The following ZNF805 variants were observed in gnomAD, a reference collection of about 807,000 sequenced individuals.
ZNF805 encodes the protein CTC-444N24.8.
In ZNF805, 7 loss-of-function variants were observed where a neutral mutation model predicts 13.6. That is an observed-to-expected ratio of 0.51 (90% CI 0.29 to 0.97). The LOEUF is 0.97. Ranked by LOEUF, ZNF805 falls within the 50% of genes least tolerant of loss-of-function variation. The pLI, the probability that ZNF805 is intolerant of heterozygous loss-of-function variation, is 0.08. For synonymous variants in ZNF805, 293 were observed against 279.8 expected, an observed-to-expected ratio of 1.05 and a Z score of -0.47; for missense variants, 604 against 771.0, an observed-to-expected ratio of 0.78 and a Z score of 2.57.
chr19:57,248,553 T>C (rs1282714292), intron 2 of ZNF805, 52 bp from the exon 3 acceptor site: 1 of 1,454,384 alleles, frequency 6.9e-7, no homozygotes, highest in Non-Finnish European at 9.4e-7. Context: ...ATTGAAGGTC[T>C]TTATTTCTTT....
rs756649606 is a variant in ZNF805 at position 57,253,382 on chromosome 19, A to T, written c.563A>T (p.His188Leu). 6.4e-7 allele frequency: 1 copy of T among 1,561,060 alleles called. No homozygotes were observed. The highest frequency in any genetic ancestry group is 8.7e-7 in the Non-Finnish European group (1 of 1,152,098). The change falls in exon 4 of 4, where the codon CAT (histidine) becomes CTT (leucine). Residue 188 changes from histidine (H) to leucine (L), a missense_variant. By Grantham distance (99) the His-to-Leu change is moderately conservative. This residue lies in a region of ZNF805 where 327 missense variants were observed against 378.2 expected (regional missense o/e 0.86). Transcript: ENST00000414468. This position sits in a 1 kb window ranked among gnomAD's most constrained non-coding sequence, Gnocchi z 4.4. ...GATGATGTCCATGACTGTGACTCACATGGATCAGGTAAAAATCCAGTTATT... is the reference window on the plus strand; with the variant it reads ...GATGATGTCCATGACTGTGACTCACTTGGATCAGGTAAAAATCCAGTTATT... ...LGDDVHDCDSHGSGKNPVIQE... is the reference protein window; with the variant it reads ...LGDDVHDCDSLGSGKNPVIQE...
chr19:57,248,574 C>A lies in ZNF805; in HGVS notation c.158-31C>A. The A allele has an allele frequency of 3.3e-6, 5 of 1,522,232 alleles. No homozygotes were observed. In the South Asian group the frequency reaches 4.8e-5, roughly 15 times the overall value. The allele number at this position is 1,522,232 out of a possible 1,614,324, so 94.3% of individuals were successfully genotyped here. ...GGTCTTTATTTCTTTTCACCCACATCCATGTGTCCACTTGCTTTCTCCATA... is the reference window on the plus strand; with the variant it reads ...GGTCTTTATTTCTTTTCACCCACATACATGTGTCCACTTGCTTTCTCCATA... On this transcript the variant is annotated intron_variant, in intron 2 of 3. Coordinates refer to ENST00000414468, the MANE Select transcript of ZNF805 (RefSeq NM_001023563.4).
At position 57,256,105 on chromosome 19, in the gene ZNF805, T is replaced by C. The variant is rs1291921520; in HGVS notation, c.*1402T>C. ...ATTTAATTATGTGATGTTACTTCTATAGTCAGTTGATATGATGTGTTACCT... is the reference window on the plus strand; with the variant it reads ...ATTTAATTATGTGATGTTACTTCTACAGTCAGTTGATATGATGTGTTACCT... On this transcript the variant is annotated 3_prime_UTR_variant, in exon 4 of 4. Transcript: ENST00000414468. 6.6e-6 allele frequency among the ~76,000 whole-genome samples: 1 copy of C among 152,138 alleles called. No individual in the cohort carries two copies.
chr19:57,254,717 T>TG lies in ZNF805; in HGVS notation c.*15dup. The TG allele has an allele frequency of 6.3e-7, 1 of 1,592,356 alleles. No homozygotes were observed. Among genetic ancestry groups the TG allele is most frequent in the Non-Finnish European group, 8.6e-7 (1 of 1,169,586 alleles). On this transcript the variant is annotated 3_prime_UTR_variant, in exon 4 of 4. Coordinates refer to ENST00000414468, the MANE Select transcript of ZNF805 (RefSeq NM_001023563.4). Reference sequence around the variant, plus strand: ...TCTTCACTGTGAGAAAACCTTCTGTTGCCAAATGTCATTTGTCACCTAAGG... The same window carrying TG: ...TCTTCACTGTGAGAAAACCTTCTGTTGGCCAAATGTCATTTGTCACCTAAGG...
At chr19:57,243,867 C>CA in intron 1 of ZNF805, 56 bp from the exon 2 acceptor site, 2 of 1,612,780 alleles carry the variant, frequency 1.2e-6, no homozygotes, top group Non-Finnish European at 1.7e-6. Flanking sequence ...CCTTTTCCAG[C>CA]AAAGCACATG....
Position 57,253,945 on chromosome 19 carries a change from T to A in ZNF805, c.1126T>A (p.Cys376Ser). The change falls in exon 4 of 4, where the codon TGT becomes AGT. Residue 376 changes from cysteine (C) to serine (S), a missense_variant. Around this residue, in one of 3 missense-constraint regions of ZNF805, gnomAD observed 228 missense variants for 352.8 expected, o/e 0.65. Coordinates refer to ENST00000414468, the MANE Select transcript of ZNF805 (RefSeq NM_001023563.4). This position sits in a 1 kb window ranked among gnomAD's most constrained non-coding sequence, Gnocchi z 4.4. ...GGAGAAGCCCTATGAGTGCAGTGAA[T>A]GTGGGAAGGCCTTCTGTGAGAGCGC... ...TGEKPYECSECGKAFCESAAL... is the reference protein window; with the variant it reads ...TGEKPYECSESGKAFCESAAL... 1 of 1,614,156 alleles carries A rather than the reference T, an allele frequency of 6.2e-7. No individual in the cohort carries two copies. The highest frequency in any genetic ancestry group is 8.5e-7 in the Non-Finnish European group (1 of 1,180,028).
intron 2 of ZNF805, among the ~76,000 whole-genome samples, chr19:57,246,875 A>C (rs1052615904): frequency 2.6e-5 from 4 of 151,968 alleles, no homozygotes; most frequent in African/African-American, 9.7e-5. Context: ...TGCTCCATTT[A>C]TTCTCACAGG....
rs1218332127 is a variant in ZNF805, at chr19:57,244,066, C to T, written c.157+17C>T. 1.1e-5 allele frequency: 17 copies of T among 1,611,222 alleles called. No individual in the cohort carries two copies. Among genetic ancestry groups the T allele is most frequent in the Non-Finnish European group, 1.3e-5 (15 of 1,178,322 alleles). Reference sequence around the variant, plus strand: ...TATCTCTGGGTAAGGCCTTCCCCCTCCACCATGCAGGGGATCTGCCACCTC... The same window carrying T: ...TATCTCTGGGTAAGGCCTTCCCCCTTCACCATGCAGGGGATCTGCCACCTC... On this transcript the variant is annotated intron_variant, in intron 2 of 3. Coordinates refer to ENST00000414468, the MANE Select transcript of ZNF805 (RefSeq NM_001023563.4).
In ZNF805 at chr19:57,258,159, C is replaced by A. The variant is rs1477058589; in HGVS notation, c.*3456C>A. ...CTGGGATTACAGGTGCCTGCCACCA[C>A]ACCTAGCTAATTTTTATATTTTTAG... On this transcript the variant is annotated 3_prime_UTR_variant, in exon 4 of 4. Coordinates refer to ENST00000414468, the MANE Select transcript of ZNF805 (RefSeq NM_001023563.4). Among the ~76,000 whole-genome samples the A allele has an allele frequency of 6.6e-6, 1 of 151,174 alleles. No homozygotes were observed. The highest frequency in any genetic ancestry group is 2.4e-5 in the African/African-American group (1 of 41,082).
At chr19:57,251,829 T>C (rs2087654091) in intron 3 of ZNF805, among the ~76,000 whole-genome samples, 1 of 152,234 alleles carries the variant, frequency 6.6e-6, no homozygotes, top group South Asian at 2.1e-4. Flanking sequence ...CCCGTGTTGG[T>C]AGCCAATTTT....
At position 57,258,412 on chromosome 19, in the gene ZNF805, G is replaced by A. The variant is rs1392154325; in HGVS notation, c.*3709G>A. On this transcript the variant is annotated 3_prime_UTR_variant, in exon 4 of 4. Transcript: ENST00000414468. ...TTATGATTAGTTTTTTGTGTTTCCT[G>A]TTGCTTCTTTCTTGGTTTGTTTGGG... Among the ~76,000 whole-genome samples the A allele has an allele frequency of 3.8e-5, 5 of 130,724 alleles. No individual in the cohort carries two copies. Among genetic ancestry groups the A allele is most frequent in the African/African-American group, 1.4e-4 (5 of 35,376 alleles). 85.8% of individuals were successfully genotyped at this position (130,724 alleles called of 152,430 possible).
rs1479548527 is a variant in ZNF805 at position 57,240,717 on chromosome 19, C to G, written c.-175C>G. ...GCTGGGGAAATGAGCAGGTAGGAGGCCGACAGCGACCTCCGCGTCTCGGAG... is the reference window on the plus strand; with the variant it reads ...GCTGGGGAAATGAGCAGGTAGGAGGGCGACAGCGACCTCCGCGTCTCGGAG... On this transcript the variant is annotated 5_prime_UTR_variant, in exon 1 of 4. Transcript: ENST00000414468. The G allele has an allele frequency of 1.4e-5, 8 of 567,016 alleles. No individual in the cohort carries two copies. Among genetic ancestry groups the G allele is most frequent in the Non-Finnish European group, 2.4e-5 (8 of 328,938 alleles). 35.1% of individuals were successfully genotyped at this position (567,016 alleles called of 1,614,324 possible).
intron 2 of ZNF805, among the ~76,000 whole-genome samples, chr19:57,247,408 G>A (rs903176592): frequency 6.6e-6 from 1 of 152,128 alleles, no homozygotes; most frequent in East Asian, 1.9e-4. Context: ...GGAGAGTAGG[G>A]TTTGAAGCCA....
At chr19:57,251,451 CT>C (rs1204711418) in intron 3 of ZNF805, among the ~76,000 whole-genome samples, 1 of 151,968 alleles carries the variant, frequency 6.6e-6, no homozygotes, top group Admixed American at 6.6e-5. Context: ...TGATAAATGC[CT>C]TTTTTTCAAT....
At chr19:57,246,207 G>A (rs1051853789) in intron 2 of ZNF805, among the ~76,000 whole-genome samples, 9 of 152,164 alleles carry the variant, frequency 5.9e-5, no homozygotes, top group South Asian at 4.1e-4. Flanking sequence ...ACAGAGTCTC[G>A]CTGTTGCCTC....
chr19:57,241,139 G>A (rs1037725991), intron 1 of ZNF805, among the ~76,000 whole-genome samples: 1 of 152,036 alleles, frequency 6.6e-6, no homozygotes, highest in Non-Finnish European at 1.5e-5. Context: ...TCGATTATAG[G>A]GCTGTGACGT....
intron 2 of ZNF805, among the ~76,000 whole-genome samples, chr19:57,246,254 A>G (rs554306934): frequency 3.9e-5 from 6 of 152,234 alleles, no homozygotes; most frequent in Non-Finnish European, 8.8e-5. Context: ...GCTCACTGCA[A>G]CCTGTGCCTC....
At position 57,253,274 on chromosome 19, in the gene ZNF805, G is replaced by A; in HGVS notation, c.455G>A (p.Gly152Glu). The change falls in exon 4 of 4, where the codon GGA becomes GAA. Residue 152 changes from glycine (G) to glutamate (E), a missense_variant. Gly to Glu is a moderately conservative substitution (Grantham distance 98). Around this residue, in one of 3 missense-constraint regions of ZNF805, gnomAD observed 327 missense variants for 378.2 expected, o/e 0.86. Coordinates refer to ENST00000414468, the MANE Select transcript of ZNF805 (RefSeq NM_001023563.4). The surrounding 1 kb of genome is among the most constrained non-coding windows in gnomAD (Gnocchi z 4.4). The part of the protein sequence containing the change: ...GLDSQKEKLP[G>E]KMSPKHDGLG... Reference sequence around the variant, plus strand: ...GATTCCCAAAAGGAGAAGCTTCCTGGAAAAATGAGCCCCAAACATGATGGT... The same window carrying A: ...GATTCCCAAAAGGAGAAGCTTCCTGAAAAAATGAGCCCCAAACATGATGGT... The A allele has an allele frequency of 6.4e-7, 1 of 1,561,334 alleles. No homozygotes were observed. Among genetic ancestry groups the A allele is most frequent in the African/African-American group, 1.4e-5 (1 of 73,332 alleles).
rs989523925 is a variant in ZNF805 at position 57,253,960 on chromosome 19, T to C, written c.1141T>C (p.Cys381Arg). 3.1e-6 allele frequency: 5 copies of C among 1,610,736 alleles called. 1 individual carries two copies. The highest frequency in any genetic ancestry group is 2.2e-5 in the South Asian group (2 of 90,894). The stretch of plus-strand genomic sequence containing the variant: ...GTGCAGTGAATGTGGGAAGGCCTTC[T>C]GTGAGAGCGCAGCGCTGATTCACCA... ...YECSECGKAF[C>R]ESAALIHHYV... Residue 381 changes from cysteine to arginine, a missense_variant, in exon 4 of 4, where the codon TGT (cysteine) becomes CGT (arginine). Cys to Arg is a radical substitution (Grantham distance 180). This residue lies in a region of ZNF805 where 228 missense variants were observed against 352.8 expected (regional missense o/e 0.65). Transcript: ENST00000414468. The surrounding 1 kb of genome is among the most constrained non-coding windows in gnomAD (Gnocchi z 4.4).
Sources: gnomAD v4.1 joint callset for allele counts (sites outside exome capture counted in the v4.1 genomes callset) on GRCh38, gnomAD v4.1.1 for gene constraint, gnomAD v4.1.1 regional missense constraint, Gnocchi (gnomAD v3.1) non-coding constraint, MANE v1.5 for transcripts, NCBI Gene and HGNC (gene_info 2026-07-23, HGNC 2026-07-21) for gene names.